PDS5B: variants seen among roughly 807,000 people sequenced by gnomAD.
PDS5B encodes PDS5 cohesin associated factor B, also known as sister chromatid cohesion protein PDS5 homolog B.
In PDS5B, 51 loss-of-function variants were observed where a neutral mutation model predicts 184.1. The observed-to-expected ratio is 0.28, with a 90% confidence interval of 0.22 to 0.35. PDS5B has a LOEUF of 0.35. PDS5B is among the 10% of genes least tolerant of loss of function. The pLI is 1.00. For missense variants in PDS5B, 1,180 were observed against 1,723.3 expected, an observed-to-expected ratio of 0.68 and a Z score of 5.58; for synonymous variants, 566 against 569.2, an observed-to-expected ratio of 0.99 and a Z score of 0.08.
intron 1 of PDS5B, among the ~76,000 whole-genome samples, chr13:32,607,801 G>C (rs143917015): frequency 0.01 from 1,579 of 152,312 alleles, 40 homozygotes; most frequent in African/African-American, 0.035. Context: ...CTTGCAGTTC[G>C]ATCTCAGACT....
In PDS5B at chr13:32,701,304, G is replaced by A. The variant is rs752034541; in HGVS notation, c.1741-19G>A. Reference sequence around the variant, plus strand: ...TGTTTAAATGTACTTTTGTAATACTGAAATAATCTGTATTACAGCGTGAAA... The same window carrying A: ...TGTTTAAATGTACTTTTGTAATACTAAAATAATCTGTATTACAGCGTGAAA... On this transcript the variant is annotated intron_variant, in intron 16 of 34. Transcript: ENST00000315596. 2 of 1,272,010 alleles carry A rather than the reference G, an allele frequency of 1.6e-6. No individual in the cohort carries two copies. The highest frequency in any genetic ancestry group is 2.3e-5 in the East Asian group (1 of 43,084). The allele number at this position is 1,272,010 out of a possible 1,614,324, so 78.8% of individuals were successfully genotyped here.
chr13:32,693,952 C>T (rs190297234), intron 13 of PDS5B, among the ~76,000 whole-genome samples: 11 of 151,790 alleles, frequency 7.2e-5, no homozygotes, highest in African/African-American at 9.6e-5. Context: ...CAACACCTTA[C>T]GCTGTCAGTT....
At chr13:32,757,969 TTTC>T (rs1954245926) in intron 26 of PDS5B, 115 bp from the exon 27 acceptor site, 2 of 439,320 alleles carry the variant, frequency 4.6e-6, no homozygotes, top group Admixed American at 4.4e-5. Flanking sequence ...CTTTTTTTTT[TTTC>T]TTCCTGGAGT....
At chr13:32,650,667 C>T (rs1950346067) in intron 2 of PDS5B, 1 of 152,154 alleles carries the variant, frequency 6.6e-6, no homozygotes, top group Admixed American at 6.5e-5. Flanking sequence ...ACCCAGACAT[C>T]ATACCCTTAA....
rs201027085 is a variant in PDS5B at position 32,770,127 on chromosome 13, T to A, written c.3631T>A (p.Leu1211Met). Residue 1211 changes from leucine (L) to methionine (M), a missense_variant, in exon 32 of 35, where the codon TTG (leucine) becomes ATG (methionine). By Grantham distance (15) the Leu-to-Met change is conservative (BLOSUM62 2). Around this residue, in one of 11 missense-constraint regions of PDS5B, gnomAD observed 465 missense variants for 497.8 expected, o/e 0.93. Coordinates refer to ENST00000315596, the MANE Select transcript of PDS5B (RefSeq NM_015032.4). ...GATTTTTTTTTTCCCCTAGTCTGAATTGGAGAAGCCTAGAGGCAGGAAAAA... is the reference window on the plus strand; with the variant it reads ...GATTTTTTTTTTCCCCTAGTCTGAAATGGAGAAGCCTAGAGGCAGGAAAAA... ...RDDSDLVRSE[L>M]EKPRGRKKTP... 1 of 1,596,962 alleles carries A rather than the reference T, an allele frequency of 6.3e-7. No homozygotes were observed. Among genetic ancestry groups the A allele is most frequent in the East Asian group, 2.2e-5 (1 of 44,740 alleles).
At chr13:32,606,548 G>C (rs957463248) in intron 1 of PDS5B, among the ~76,000 whole-genome samples, 2 of 152,114 alleles carry the variant, frequency 1.3e-5, no homozygotes, top group Admixed American at 6.6e-5. Flanking sequence ...GTGTGTGTTG[G>C]AGTTGCCCTT....
chr13:32,590,010 C>T (rs889607246), intron 1 of PDS5B, among the ~76,000 whole-genome samples: 10 of 151,974 alleles, frequency 6.6e-5, no homozygotes, highest in Admixed American at 2.0e-4. Context: ...CATGAGTGAT[C>T]GTGCACAGTG....
At chr13:32,591,707 G>T (rs2057778449) in intron 1 of PDS5B, among the ~76,000 whole-genome samples, 6 of 152,094 alleles carry the variant, frequency 3.9e-5, no homozygotes, top group Admixed American at 3.9e-4. Context: ...ATTTCTTTGT[G>T]AGTGAAGGTA....
intron 9 of PDS5B, among the ~76,000 whole-genome samples, chr13:32,677,937 G>A (rs940986171): frequency 1.3e-5 from 2 of 151,860 alleles, no homozygotes; most frequent in African/African-American, 4.8e-5. Context: ...AACATCAGTG[G>A]TTGAGAGACA....
At chr13:32,756,893 C>T (rs573118269) in intron 26 of PDS5B, among the ~76,000 whole-genome samples, 2 of 152,084 alleles carry the variant, frequency 1.3e-5, no homozygotes, top group South Asian at 2.1e-4. Context: ...GAGGCTGAGG[C>T]GGGTGGCTCA....
chr13:32,617,940 A>G (rs977519314), intron 1 of PDS5B, among the ~76,000 whole-genome samples: 1 of 152,194 alleles, frequency 6.6e-6, no homozygotes, highest in African/African-American at 2.4e-5. Context: ...TTTATTTCTC[A>G]CAGTTCTGGA....
At chr13:32,684,487 C>T (rs1423458974) in intron 11 of PDS5B, among the ~76,000 whole-genome samples, 3 of 152,170 alleles carry the variant, frequency 2.0e-5, no homozygotes, top group Non-Finnish European at 4.4e-5. Context: ...CGATAGAGCA[C>T]CATGCTTCTA....
At chr13:32,606,104 G>A (rs1383760196) in intron 1 of PDS5B, among the ~76,000 whole-genome samples, 1 of 152,162 alleles carries the variant, frequency 6.6e-6, no homozygotes, top group African/African-American at 2.4e-5. Flanking sequence ...ATTTGATCCT[G>A]TCATTATGAT....
chr13:32,761,356 T>A (rs1954389335), intron 30 of PDS5B, among the ~76,000 whole-genome samples: 1 of 152,194 alleles, frequency 6.6e-6, no homozygotes, highest in Non-Finnish European at 1.5e-5. Flanking sequence ...TTTTTTTAAA[T>A]TCAACTTTTA....
intron 1 of PDS5B, among the ~76,000 whole-genome samples, chr13:32,602,135 C>T (rs1032876899): frequency 6.6e-6 from 1 of 151,854 alleles, no homozygotes; most frequent in African/African-American, 2.4e-5. Flanking sequence ...GGTACATGTG[C>T]ACAGCGTGCA....
At chr13:32,635,170 GTTTTTTTTTTTTTTTTTTTT>G (rs71071054) in intron 1 of PDS5B, among the ~76,000 whole-genome samples, 125 of 81,068 alleles carry the variant, frequency 1.5e-3, no homozygotes, top group Non-Finnish European at 2.1e-3. Flanking sequence ...AGCCAATTAC[GTTTTTTTTTTTTTTTTTTTT>G]TTTTTTTTTT....
At chr13:32,615,924 A>AT (rs1328478355) in intron 1 of PDS5B, among the ~76,000 whole-genome samples, 1 of 152,130 alleles carries the variant, frequency 6.6e-6, no homozygotes, top group East Asian at 1.9e-4. Context: ...GAATATTGAA[A>AT]TTTTTTTATA....
chr13:32,746,601 G>A (rs1953750893), intron 24 of PDS5B, among the ~76,000 whole-genome samples: 1 of 152,174 alleles, frequency 6.6e-6, no homozygotes, highest in Non-Finnish European at 1.5e-5. Flanking sequence ...GCTTTGGAAC[G>A]CCAGACAGCA....
intron 33 of PDS5B, 75 bp downstream of exon 33, chr13:32,770,836 A>G: frequency 1.9e-6 from 2 of 1,067,014 alleles, no homozygotes; most frequent in South Asian, 1.4e-5. Flanking sequence ...AAACATACAT[A>G]TTGCTGTATT....
Sources: allele counts gnomAD v4.1 joint callset (sites outside exome capture counted in the v4.1 genomes callset), GRCh38; gene constraint gnomAD v4.1.1; regional missense constraint gnomAD v4.1.1; transcripts MANE v1.5; gene names NCBI Gene and HGNC (gene_info 2026-07-23, HGNC 2026-07-21).